PDXDC1: variants seen among roughly 807,000 people sequenced by gnomAD.
PDXDC1 encodes the protein pyridoxal-dependent decarboxylase domain-containing protein 1.
In PDXDC1, 42 loss-of-function variants were observed where a neutral mutation model predicts 100.1. The ratio of observed to expected loss-of-function variants is 0.42; its 90% CI spans 0.33 to 0.54. PDXDC1 has a LOEUF of 0.54. Ranked by LOEUF, PDXDC1 falls within the 20% of genes least tolerant of loss-of-function variation. The probability of loss-of-function intolerance (pLI) is 0.10; values close to 1 mark genes in which losing one functional copy is unlikely to be tolerated. For synonymous variants in PDXDC1, 260 were observed against 371.7 expected, an observed-to-expected ratio of 0.70 and a Z score of 3.46; for missense variants, 636 against 979.2, an observed-to-expected ratio of 0.65 and a Z score of 4.68.
chr16:15,073,303 C>A (rs936578156), intron 16 of PDXDC1, among the ~76,000 whole-genome samples: 12 of 151,856 alleles, frequency 7.9e-5, no homozygotes, highest in Admixed American at 5.2e-4. Context: ...TACAAAAAAT[C>A]AAAAAATTAG....
chr16:15,047,795 C>A, intron 16 of PDXDC1: 1 of 1,382,642 alleles, frequency 7.2e-7, no homozygotes. Context: ...ACGAGAAATT[C>A]AATGGTCCCA....
intron 1 of PDXDC1, among the ~76,000 whole-genome samples, chr16:14,990,432 T>C (rs1043214649): frequency 2.0e-5 from 3 of 152,304 alleles, no homozygotes; most frequent in African/African-American, 4.8e-5. Flanking sequence ...CTATTGAGGA[T>C]AAGAAATGTG....
intron 16 of PDXDC1, chr16:15,104,386 G>A (rs1282034374): frequency 1.9e-6 from 3 of 1,596,420 alleles, no homozygotes; most frequent in Non-Finnish European, 2.5e-6. Flanking sequence ...GGTGGAAGGG[G>A]AGTGAGCAGA....
At chr16:15,039,380 G>A (rs1464722744), downstream of PDXDC1, among the ~76,000 whole-genome samples, 1 of 152,268 alleles carries the variant, frequency 6.6e-6, no homozygotes, top group East Asian at 1.9e-4. Context: ...TGGCCTGAAT[G>A]TGATTTCCGT....
chr16:15,051,844 C>T (rs1477371203), intron 16 of PDXDC1, among the ~76,000 whole-genome samples: 1 of 152,042 alleles, frequency 6.6e-6, no homozygotes, highest in Admixed American at 6.6e-5. Context: ...GCTGGAACCA[C>T]AGGCGCACGC....
downstream of PDXDC1, among the ~76,000 whole-genome samples, chr16:15,038,883 C>T (rs753118475): frequency 7.2e-5 from 11 of 152,144 alleles, no homozygotes; most frequent in Non-Finnish European, 1.5e-4. Context: ...GGGGCACGCA[C>T]GACTGCTGAG....
downstream of PDXDC1, among the ~76,000 whole-genome samples, chr16:15,140,297 A>G (rs1452318626): frequency 6.7e-6 from 1 of 148,934 alleles, no homozygotes; most frequent in Non-Finnish European, 1.5e-5. Flanking sequence ...CTACAGAATT[A>G]GTTGGGCGTG....
chr16:15,109,930 G>T lies in PDXDC1; in HGVS notation c.1400-28949G>T, dbSNP rs1713814509. ...GCACTTTGGGAGGCTGAGGCGGGTG[G>T]ATTACCTGAGGTCAGAAGTTCGAGA... On this transcript the variant is annotated intron_variant, in intron 16 of 16. Transcript: ENST00000535621. Among the ~76,000 whole-genome samples the T allele has an allele frequency of 1.4e-5, 2 of 143,098 alleles. 1 individual carries two copies. The highest frequency in any genetic ancestry group is 3.1e-5 in the Non-Finnish European group (2 of 64,388). 93.9% of individuals were successfully genotyped at this position (143,098 alleles called of 152,430 possible). A position where few individuals can be genotyped will look rare whatever the true frequency, so the allele number is the denominator to read the frequency against.
At chr16:15,043,596 TC>T (rs1484930816) in intron 16 of PDXDC1, among the ~76,000 whole-genome samples, 5 of 151,806 alleles carry the variant, frequency 3.3e-5, no homozygotes, top group African/African-American at 9.7e-5. Flanking sequence ...TAAGCTTGCT[TC>T]ATGGCCTGGT....
chr16:15,085,805 AT>A, intron 16 of PDXDC1: 3 of 1,472,236 alleles, frequency 2.0e-6, no homozygotes, highest in Non-Finnish European at 1.8e-6. Flanking sequence ...AAAAAAAGTT[AT>A]TTTTCCATAA....
intron 1 of PDXDC1, among the ~76,000 whole-genome samples, chr16:14,984,490 TATATA>T (rs1968835939): frequency 1.1e-5 from 1 of 94,234 alleles, no homozygotes; most frequent in African/African-American, 3.6e-5. Context: ...TATATATATA[TATATA>T]TTTTTTTTTT....
At chr16:15,040,950 G>A (rs568793972), downstream of PDXDC1, 12 of 746,238 alleles carry the variant, frequency 1.6e-5, no homozygotes, top group Non-Finnish European at 2.9e-5. Context: ...CGGAGTAGCT[G>A]GGATCTGAAC....
At position 15,068,031 on chromosome 16, in the gene PDXDC1, G is replaced by A; in HGVS notation, c.1399+37975G>A. 5.5e-6 allele frequency: 4 copies of A among 725,474 alleles called. No homozygotes were observed. In the East Asian group the frequency reaches 1.1e-4, roughly 20 times the overall value. 44.9% of individuals were successfully genotyped at this position (725,474 alleles called of 1,614,324 possible). On this transcript the variant is annotated intron_variant, in intron 16 of 16. Coordinates refer to the PDXDC1 transcript ENST00000535621. ...CCACCTCAGCCTCCCAAAATGTTGAGATTACAGGTGTCAGCCACCACGCCT... is the reference window on the plus strand; with the variant it reads ...CCACCTCAGCCTCCCAAAATGTTGAAATTACAGGTGTCAGCCACCACGCCT...
chr16:15,020,975 A>AAC (rs66850292), intron 12 of PDXDC1, among the ~76,000 whole-genome samples: 43,110 of 144,540 alleles, frequency 0.3, 2,573 homozygotes, highest in Middle Eastern at 0.4. Flanking sequence ...GCACCATCTA[A>AAC]ACACACACAC....
downstream of PDXDC1, among the ~76,000 whole-genome samples, chr16:15,144,202 G>C (rs899493449): frequency 1.3e-5 from 2 of 152,182 alleles, no homozygotes; most frequent in African/African-American, 4.8e-5. Flanking sequence ...CGCTGGAGAG[G>C]ACAGGGGACA....
At chr16:14,986,922 T>C (rs1212855840) in intron 1 of PDXDC1, among the ~76,000 whole-genome samples, 2 of 152,282 alleles carry the variant, frequency 1.3e-5, no homozygotes, top group Non-Finnish European at 2.9e-5. Context: ...AATATTTGTA[T>C]TTTTAGTAGA....
intron 16 of PDXDC1, among the ~76,000 whole-genome samples, chr16:15,100,755 A>G (rs1403445315): frequency 6.6e-6 from 1 of 152,064 alleles, no homozygotes; most frequent in Admixed American, 6.5e-5. Flanking sequence ...GAGGCAGGAG[A>G]ATTGCTTGAG....
rs780862110 is a variant in PDXDC1, at chr16:15,128,299, T to C, written c.1400-10580T>C. 4.0e-5 allele frequency: 65 copies of C among 1,610,286 alleles called. No homozygotes were observed. The Middle Eastern group carries it at 9.0e-4, about 22-fold the overall frequency. On this transcript the variant is annotated intron_variant, in intron 16 of 16. Transcript: ENST00000535621. ...GGCGATCCGGAAGATGTCCAGGCTG[T>C]TGCGGTGGAAGGCTCTGTCGCCATC...
Position 15,037,943 on chromosome 16 carries a change from CAGAT to C in PDXDC1, c.*1669_*1672del. The C allele has an allele frequency of 1.2e-5, 11 of 903,946 alleles. No homozygotes were observed. The highest frequency in any genetic ancestry group is 9.9e-5 in the South Asian group (6 of 60,688). The allele number at this position is 903,946 out of a possible 1,614,324, so 56.0% of individuals were successfully genotyped here. A position where few individuals can be genotyped will look rare whatever the true frequency, so the allele number is the denominator to read the frequency against. On this transcript the variant is annotated 3_prime_UTR_variant, in exon 23 of 23. Coordinates refer to ENST00000396410, the MANE Select transcript of PDXDC1 (RefSeq NM_015027.4). ...GGAGGGAAGGAGGCCTAAGACCCAA[CAGAT>C]GTAGGATCCAGATCTGGATTCGTGC...
Sources: gnomAD v4.1 joint callset for allele counts (sites outside exome capture counted in the v4.1 genomes callset) on GRCh38, gnomAD v4.1.1 for gene constraint, MANE v1.5 for transcripts, NCBI Gene and HGNC (gene_info 2026-07-23, HGNC 2026-07-21) for gene names.